Variants in NLRP10 observed in about 807,000 individuals in gnomAD.
NLRP10 encodes the protein NACHT, LRR and PYD domains-containing protein 10.
In NLRP10, 7 loss-of-function variants were observed where a neutral mutation model predicts 8.2. The observed-to-expected ratio is 0.85, with a 90% CI of 0.48 to 1.60. The LOEUF (loss-of-function observed/expected upper bound fraction) is 1.60. NLRP10 is among the 40% of genes most tolerant of loss of function. The pLI is 0.00. For missense variants in NLRP10, 814 were observed against 776.3 expected, an observed-to-expected ratio of 1.05 and a Z score of -0.58; for synonymous variants, 338 against 314.0, an observed-to-expected ratio of 1.08 and a Z score of -0.81.
intron 2 of NLRP10, 88 bp downstream of exon 2, chr11:7,963,119 T>A: frequency 7.5e-7 from 1 of 1,326,572 alleles, no homozygotes. Context: ...AGGCATAAGG[T>A]ACAGGCTACA....
At chr11:7,964,929 T>C (rs1039844178) in intron 1 of NLRP10, among the ~76,000 whole-genome samples, 2 of 152,176 alleles carry the variant, frequency 1.3e-5, no homozygotes, top group African/African-American at 4.8e-5. Context: ...ACATTCATCA[T>C]TGAGAGTGTT....
chr11:7,960,549 C>T lies in NLRP10; in HGVS notation c.1063G>A (p.Gly355Ser). The change falls in exon 3 of 3, where the codon GGC (glycine) becomes AGC (serine). Residue 355 changes from glycine to serine, a missense_variant. Transcript: ENST00000691676. ...DILYKACQVP[G>S]ICWVVCSWLQ... ...CAGGAGCAGACCACCCAGCAAATGCCTGGAACCTGACACGCTTTGTAGAGA... is the reference window on the plus strand; with the variant it reads ...CAGGAGCAGACCACCCAGCAAATGCTTGGAACCTGACACGCTTTGTAGAGA... 6.2e-7 allele frequency: 1 copy of T among 1,614,186 alleles called. No individual in the cohort carries two copies. The highest frequency in any genetic ancestry group is 1.1e-5 in the South Asian group (1 of 91,072).
rs1034996543 is a variant in NLRP10 at position 7,963,527 on chromosome 11, A to G, written c.-32T>C. 5 of 1,577,866 alleles carry G rather than the reference A, an allele frequency of 3.2e-6. No individual in the cohort carries two copies. Among genetic ancestry groups the G allele is most frequent in the Non-Finnish European group, 4.3e-6 (5 of 1,161,416 alleles). On this transcript the variant is annotated 5_prime_UTR_variant, in exon 2 of 3. Coordinates refer to ENST00000691676, the MANE Select transcript of NLRP10 (RefSeq NM_001391958.1). Reference sequence around the variant, plus strand: ...CTGGGGGAAGGATCAAGTCCAGACCAGAAGACCAGTGACCTGGAGAAAGAG... The same window carrying G: ...CTGGGGGAAGGATCAAGTCCAGACCGGAAGACCAGTGACCTGGAGAAAGAG...
Position 7,962,322 on chromosome 11 carries a change from G to A in NLRP10, c.289+885C>T, listed in dbSNP as rs537658596. 7.0e-4 allele frequency among the ~76,000 whole-genome samples: 95 copies of A among 135,868 alleles called. 1 individual carries two copies. The highest frequency in any genetic ancestry group is 1.7e-3 in the Admixed American group (19 of 11,450). 89.1% of individuals were successfully genotyped at this position (135,868 alleles called of 152,430 possible). A position where few individuals can be genotyped will look rare whatever the true frequency, so the allele number is the denominator to read the frequency against. ...GCGATCTCGACTCACTGCAAGCTCCGCCTCCCGGGTTCACGCCATTCTCCT... is the reference window on the plus strand; with the variant it reads ...GCGATCTCGACTCACTGCAAGCTCCACCTCCCGGGTTCACGCCATTCTCCT... On this transcript the variant is annotated intron_variant, in intron 2 of 2. Transcript: ENST00000691676.
At position 7,960,225 on chromosome 11, in the gene NLRP10, T is replaced by C. The variant is rs1173846294; in HGVS notation, c.1387A>G (p.Ser463Gly). 5.0e-6 allele frequency: 8 copies of C among 1,614,182 alleles called. No homozygotes were observed. The highest frequency in any genetic ancestry group is 6.8e-6 in the Non-Finnish European group (8 of 1,180,032). The part of the protein sequence containing the change: ...QLGLAIKKFY[S>G]FRHISFQDFF... The stretch of plus-strand genomic sequence containing the variant: ...TCCTGGAAGCTGATGTGGCGGAAGC[T>C]GTAGAACTTCTTGATGGCAAGTCCC... Residue 463 changes from serine to glycine, a missense_variant, in exon 3 of 3, where the codon AGC becomes GGC. Ser to Gly is a moderately conservative substitution (Grantham distance 56). Coordinates refer to ENST00000691676, the MANE Select transcript of NLRP10 (RefSeq NM_001391958.1).
At position 7,958,612 on chromosome 11, in the gene NLRP10, C is replaced by T. The variant is rs1055862247; in HGVS notation, c.*1032G>A. 1.5e-4 allele frequency among the ~76,000 whole-genome samples: 22 copies of T among 151,652 alleles called. No homozygotes were observed. The East Asian group carries it at 1.7e-3, about 12-fold the overall frequency. On this transcript the variant is annotated 3_prime_UTR_variant, in exon 3 of 3. Transcript: ENST00000691676. Reference sequence around the variant, plus strand: ...GTTGCCAGGCTGGAGTGCAGTGGTGCGATCTCAGCTCACTGCAACCTCCGC... The same window carrying T: ...GTTGCCAGGCTGGAGTGCAGTGGTGTGATCTCAGCTCACTGCAACCTCCGC...
intron 1 of NLRP10, chr11:7,963,776 C>T: frequency 2.8e-6 from 1 of 363,442 alleles, no homozygotes. Context: ...GTGTGTTAAT[C>T]TCTCAATCTC....
intron 2 of NLRP10, 80 bp from the exon 3 acceptor site, chr11:7,961,402 C>T (rs1017494688): frequency 1.0e-5 from 9 of 882,800 alleles, no homozygotes; most frequent in Admixed American, 2.4e-5. Context: ...TGACTCTGCT[C>T]ATTAGTCTTC....
Position 7,958,359 on chromosome 11 carries a change from C to T in NLRP10, c.*1285G>A, listed in dbSNP as rs1159947558. Among the ~76,000 whole-genome samples, 1 of 152,224 alleles carries T rather than the reference C, an allele frequency of 6.6e-6. No individual in the cohort carries two copies. Among genetic ancestry groups the T allele is most frequent in the Admixed American group, 6.5e-5 (1 of 15,282 alleles). On this transcript the variant is annotated 3_prime_UTR_variant, in exon 3 of 3. Coordinates refer to ENST00000691676, the MANE Select transcript of NLRP10 (RefSeq NM_001391958.1). ...TGACCAGCAATGAATAAGGCTCCCA[C>T]TACTCCACATCCTAACAAGCATTTA...
In NLRP10 at chr11:7,960,281, G is replaced by A. The variant is rs771006863; in HGVS notation, c.1331C>T (p.Ala444Val). ...RKHNLDGPRLAAFLSSNDYQL... is the reference protein window; with the variant it reads ...RKHNLDGPRLVAFLSSNDYQL... ...GTAGTCGTTACTACTCAGGAAAGCG[G>A]CAAGCCTGGGGCCATCTAAATTATG... The change falls in exon 3 of 3, where the codon GCC becomes GTC. Residue 444 changes from alanine to valine, a missense_variant. Coordinates refer to ENST00000691676, the MANE Select transcript of NLRP10 (RefSeq NM_001391958.1). 6.2e-7 allele frequency: 1 copy of A among 1,614,144 alleles called. No individual in the cohort carries two copies. Among genetic ancestry groups the A allele is most frequent in the Non-Finnish European group, 8.5e-7 (1 of 1,180,022 alleles).
Position 7,958,557 on chromosome 11 carries a change from C to CT in NLRP10, c.*1086dup, listed in dbSNP as rs972056239. The stretch of plus-strand genomic sequence containing the variant: ...TGTCTGTTCCAATCTTTTTACTCAC[C>CT]TTTTTTTTTTTGAGGCAGAGTCTCA... On this transcript the variant is annotated 3_prime_UTR_variant, in exon 3 of 3. Transcript: ENST00000691676. Among the ~76,000 whole-genome samples, 101 of 146,040 alleles carry CT rather than the reference C, an allele frequency of 6.9e-4. No individual in the cohort carries two copies. The highest frequency in any genetic ancestry group is 6.5e-4 in the Non-Finnish European group (43 of 66,032).
chr11:7,962,231 C>CTTGTTTTTTTTTTTT (rs1941743816), intron 2 of NLRP10, among the ~76,000 whole-genome samples: 4 of 66,992 alleles, frequency 6.0e-5, no homozygotes, highest in Non-Finnish European at 7.8e-5. Flanking sequence ...TAAGCCTGTT[C>CTTGTTTTTTTTTTTT]TTTTTTTTTT....
chr11:7,957,611 C>T lies in NLRP10; in HGVS notation c.*2033G>A, dbSNP rs1337278816. ...AAACTTTTTTTAAATACAGAAAGTT[C>T]CTATATACCCTCTCCACCACCACCA... On this transcript the variant is annotated 3_prime_UTR_variant, in exon 3 of 3. Coordinates refer to ENST00000691676, the MANE Select transcript of NLRP10 (RefSeq NM_001391958.1). Among the ~76,000 whole-genome samples, 1 of 152,012 alleles carries T rather than the reference C, an allele frequency of 6.6e-6. No individual in the cohort carries two copies. Among genetic ancestry groups the T allele is most frequent in the East Asian group, 1.9e-4 (1 of 5,198 alleles).
rs957436768 is a variant in NLRP10 at position 7,958,151 on chromosome 11, G to T, written c.*1493C>A. 6.6e-6 allele frequency among the ~76,000 whole-genome samples: 1 copy of T among 152,090 alleles called. No homozygotes were observed. Among genetic ancestry groups the T allele is most frequent in the African/African-American group, 2.4e-5 (1 of 41,408 alleles). On this transcript the variant is annotated 3_prime_UTR_variant, in exon 3 of 3. Coordinates refer to ENST00000691676, the MANE Select transcript of NLRP10 (RefSeq NM_001391958.1). Reference sequence around the variant, plus strand: ...ACATCTTGGTTGCTTCCAAATTTGGGCAATTACGAATAAAGCTGCTATAAA... The same window carrying T: ...ACATCTTGGTTGCTTCCAAATTTGGTCAATTACGAATAAAGCTGCTATAAA...
In NLRP10 at chr11:7,963,431, T is replaced by C. The variant is rs753922051; in HGVS notation, c.65A>G (p.Glu22Gly). ...GAACTTTAACTTCTTGAAATCGTTC[T>C]CCTCAAGGTCACTCAAGGCCCAGAG... ...ALLWALSDLE[E>G]NDFKKLKFYL... The change falls in exon 2 of 3, where the codon GAG becomes GGG. Residue 22 changes from glutamate to glycine, a missense_variant. By Grantham distance (98) the Glu-to-Gly change is moderately conservative. Coordinates refer to ENST00000691676, the MANE Select transcript of NLRP10 (RefSeq NM_001391958.1). 2 of 1,614,128 alleles carry C rather than the reference T, an allele frequency of 1.2e-6. No individual in the cohort carries two copies. The highest frequency in any genetic ancestry group is 1.7e-6 in the Non-Finnish European group (2 of 1,180,012).
Position 7,961,101 on chromosome 11 carries a change from GCA to G in NLRP10, c.509_510del (p.Val170AlafsTer31). 1 of 1,614,144 alleles carries G rather than the reference GCA, an allele frequency of 6.2e-7. No homozygotes were observed. Among genetic ancestry groups the G allele is most frequent in the South Asian group, 1.1e-5 (1 of 91,080 alleles). On this transcript the variant is annotated frameshift_variant, in exon 3 of 3. Transcript: ENST00000691676. LOFTEE classifies it low-confidence loss of function (END_TRUNC). ...EKPSLAPSLV[V>X]LQGSAGTGKT... The stretch of plus-strand genomic sequence containing the variant: ...TTTCCAGTGCCAGCCGACCCCTGTA[GCA>G]CAACTAAGGATGGGGCCAGTGAGGG...
Position 7,960,162 on chromosome 11 carries a change from G to T in NLRP10, c.1450C>A (p.Gln484Lys), listed in dbSNP as rs754219299. 5 of 1,614,132 alleles carry T rather than the reference G, an allele frequency of 3.1e-6. No homozygotes were observed. In the East Asian group the frequency reaches 1.1e-4, roughly 36 times the overall value. The change falls in exon 3 of 3, where the codon CAA (glutamine) becomes AAA (lysine). Residue 484 changes from glutamine (Q) to lysine (K), a missense_variant. By Grantham distance (53) the Gln-to-Lys change is moderately conservative (BLOSUM62 1). Transcript: ENST00000691676. ...HAMSYLVKED[Q>K]SRLGKESRRE... is the part of the protein sequence containing the mutation. ...CGGGACTCCTTCCCCAGCCGGCTTT[G>T]GTCCTCTTTCACCAGGTAAGACATG...
Position 7,961,262 on chromosome 11 carries a change from A to G in NLRP10, c.350T>C (p.Val117Ala). 1.9e-6 allele frequency: 3 copies of G among 1,607,532 alleles called. No individual in the cohort carries two copies. The highest frequency in any genetic ancestry group is 8.5e-7 in the Non-Finnish European group (1 of 1,176,374). ...GAGCACCTGGTTGTATCTGCCATTG[A>G]CTCCTGCTTCCTGCCATTCCTCTAG... ...RCLEEWQEAGVNGRYNQVLLV... is the reference protein window; with the variant it reads ...RCLEEWQEAGANGRYNQVLLV... Residue 117 changes from valine (V) to alanine (A), a missense_variant, in exon 3 of 3, where the codon GTC becomes GCC. Coordinates refer to ENST00000691676, the MANE Select transcript of NLRP10 (RefSeq NM_001391958.1).
rs568799275 is a variant in NLRP10 at position 7,959,417 on chromosome 11, A to G, written c.*227T>C. On this transcript the variant is annotated 3_prime_UTR_variant, in exon 3 of 3. Transcript: ENST00000691676. ...TTCTGAGTCTTTTGCCTTTGCACAT[A>G]AACATTAGAATCATCTTATCAATGT... The G allele has an allele frequency of 2.0e-5, 9 of 441,576 alleles. No homozygotes were observed. The East Asian group carries it at 2.5e-4, about 12-fold the overall frequency. The allele number at this position is 441,576 out of a possible 1,614,324, so 27.4% of individuals were successfully genotyped here.
Sources: allele counts gnomAD v4.1 joint callset (sites outside exome capture counted in the v4.1 genomes callset), GRCh38; gene constraint gnomAD v4.1.1; transcripts MANE v1.5; gene names NCBI Gene and HGNC (gene_info 2026-07-23, HGNC 2026-07-21).